The following CLIP1 variants were observed in gnomAD, a reference collection of about 807,000 sequenced individuals.
CLIP1 encodes CAP-Gly domain-containing linker protein 1.
CLIP1 carries 66 observed loss-of-function variants against 161.6 expected under a neutral mutation model. The ratio of observed to expected loss-of-function variants is 0.41; its 90% CI spans 0.33 to 0.50. The LOEUF is 0.50. CLIP1 is among the 20% of genes least tolerant of loss of function. CLIP1 has a pLI of 0.27. For missense variants in CLIP1, 1,376 were observed against 1,702.0 expected (o/e 0.81, Z 3.37); for synonymous variants, 598 against 626.2 (o/e 0.96, Z 0.67).
At position 122,377,741 on chromosome 12, in the gene CLIP1, G is replaced by A. The variant is rs780989679; in HGVS notation, c.305C>T (p.Ser102Leu). ...LDEPIGKNDG[S>L]VAGVRYFQCE... ...CTGGAAATACCGAACTCCTGCCACC[G>A]AACCATCGTTCTTGCCTATGGGTTC... is the stretch of plus-strand genomic sequence containing the variant. The change falls in exon 3 of 26, where the codon TCG becomes TTG. Residue 102 changes from serine to leucine, a missense_variant. Ser to Leu is a moderately radical substitution (Grantham distance 145). Coordinates refer to ENST00000620786, the MANE Select transcript of CLIP1 (RefSeq NM_001247997.2). The A allele has an allele frequency of 1.9e-5, 31 of 1,613,712 alleles. No individual in the cohort carries two copies. The highest frequency in any genetic ancestry group is 4.5e-5 in the East Asian group (2 of 44,852).
At chr12:122,326,416 A>T (rs1951714510) in intron 17 of CLIP1, among the ~76,000 whole-genome samples, 6 of 152,190 alleles carry the variant, frequency 3.9e-5, no homozygotes, top group Admixed American at 3.9e-4. Context: ...ACGATGAATC[A>T]CGCCTGCAAT....
chr12:122,403,090 C>T (rs1956195183), intron 1 of CLIP1, among the ~76,000 whole-genome samples: 1 of 152,096 alleles, frequency 6.6e-6, no homozygotes, highest in African/African-American at 2.4e-5. Context: ...TACCCCAGGC[C>T]CCCCTGGATA....
intron 6 of CLIP1, 137 bp from the exon 7 acceptor site, chr12:122,354,693 T>G: frequency 1.6e-6 from 1 of 635,066 alleles, no homozygotes; most frequent in Non-Finnish European, 2.8e-6. Flanking sequence ...GCTTTCTCTA[T>G]TTTAATAGGT....
intron 8 of CLIP1, 102 bp downstream of exon 8, chr12:122,352,624 C>T (rs1453914178): frequency 3.8e-5 from 41 of 1,077,756 alleles, no homozygotes; most frequent in Admixed American, 2.0e-4. Flanking sequence ...GCCACTTCCT[C>T]AGCTGGCTGT....
chr12:122,346,434 A>T (rs544038955), intron 10 of CLIP1, among the ~76,000 whole-genome samples: 1 of 152,328 alleles, frequency 6.6e-6, no homozygotes, highest in East Asian at 1.9e-4. Context: ...AAGCACAATG[A>T]GCTCAGGGCA....
At chr12:122,348,849 G>A (rs1230991736) in intron 9 of CLIP1, among the ~76,000 whole-genome samples, 1 of 152,212 alleles carries the variant, frequency 6.6e-6, no homozygotes, top group East Asian at 1.9e-4. Flanking sequence ...CAGAGCTTCA[G>A]TAGAGGGGGG....
intron 1 of CLIP1, among the ~76,000 whole-genome samples, chr12:122,420,948 T>G (rs1205961749): frequency 6.6e-6 from 1 of 151,334 alleles, no homozygotes; most frequent in Non-Finnish European, 1.5e-5. Flanking sequence ...GATTGATTGA[T>G]TGATTGATGG....
At chr12:122,300,244 T>C (rs1803155783) in intron 20 of CLIP1, among the ~76,000 whole-genome samples, 1 of 152,020 alleles carries the variant, frequency 6.6e-6, no homozygotes, top group Admixed American at 6.6e-5. Flanking sequence ...TACTCCAGCC[T>C]GGGTGGCAGA....
chr12:122,340,183 TGATTCTCC>T, intron 11 of CLIP1, among the ~76,000 whole-genome samples: 1 of 151,688 alleles, frequency 6.6e-6, no homozygotes. Flanking sequence ...GTTGTTCAAG[TGATTCTCC>T]TGCCTCAGCC....
chr12:122,381,689 C>T (rs1292470104), intron 1 of CLIP1, among the ~76,000 whole-genome samples: 1 of 152,214 alleles, frequency 6.6e-6, no homozygotes, highest in Non-Finnish European at 1.5e-5. Context: ...ACCTCACTTT[C>T]TCATCTTGTC....
chr12:122,400,710 G>C (rs1371703975), intron 1 of CLIP1: 1 of 152,120 alleles, frequency 6.6e-6, no homozygotes, highest in Non-Finnish European at 1.5e-5. Flanking sequence ...GATTTGATTT[G>C]TCTTCGCATC....
intron 3 of CLIP1, among the ~76,000 whole-genome samples, chr12:122,374,448 G>A (rs1434031165): frequency 1.3e-5 from 2 of 150,170 alleles, no homozygotes; most frequent in Non-Finnish European, 3.0e-5. Flanking sequence ...GTGAAACCCC[G>A]TCTCTACTAA....
intron 21 of CLIP1, among the ~76,000 whole-genome samples, chr12:122,281,891 T>G (rs1272605638): frequency 1.3e-5 from 2 of 152,162 alleles, no homozygotes; most frequent in Non-Finnish European, 2.9e-5. Context: ...AAGAAGAGAT[T>G]TAGATTTCCC....
In CLIP1 at chr12:122,394,802, G is replaced by A. The variant is rs186439464; in HGVS notation, c.-106-14244C>T. 2.6e-3 allele frequency among the ~76,000 whole-genome samples: 396 copies of A among 151,860 alleles called. 4 individuals are homozygous for A. The South Asian group carries it at 0.047, about 18-fold the overall frequency. On this transcript the variant is annotated intron_variant, in intron 1 of 25. Transcript: ENST00000620786. ...CAGGAGGCGGAGGTTGCAGTGAGCCGAGATTGCATCACTGCACTCCAGTCT... is the reference window on the plus strand; with the variant it reads ...CAGGAGGCGGAGGTTGCAGTGAGCCAAGATTGCATCACTGCACTCCAGTCT...
intron 19 of CLIP1, among the ~76,000 whole-genome samples, chr12:122,315,642 T>TTTCTTTC (rs1462132417): frequency 3.5e-5 from 5 of 143,896 alleles, no homozygotes; most frequent in African/African-American, 1.5e-4. Context: ...TTTGATTCCT[T>TTTCTTTC]TTCTTTTTTT....
chr12:122,303,337 T>C (rs759847703), intron 20 of CLIP1, among the ~76,000 whole-genome samples: 11 of 152,178 alleles, frequency 7.2e-5, no homozygotes, highest in Non-Finnish European at 1.3e-4. Flanking sequence ...GCAGAATGTG[T>C]ACACTTCATC....
At chr12:122,335,226 A>C (rs555616241) in intron 12 of CLIP1, among the ~76,000 whole-genome samples, 18 of 152,274 alleles carry the variant, frequency 1.2e-4, no homozygotes, top group African/African-American at 3.1e-4. Flanking sequence ...CCAAGCTAAA[A>C]ATCACTCTCC....
intron 1 of CLIP1, among the ~76,000 whole-genome samples, chr12:122,403,703 T>G (rs1956221978): frequency 3.3e-5 from 5 of 151,730 alleles, no homozygotes; most frequent in Admixed American, 3.3e-4. Flanking sequence ...TTATTTTTAG[T>G]AGAGACAGGG....
chr12:122,357,564 G>T (rs1342713431), intron 5 of CLIP1, among the ~76,000 whole-genome samples: 1 of 60,598 alleles, frequency 1.7e-5, no homozygotes, highest in Non-Finnish European at 3.1e-5. Context: ...GGTGGGGGGG[G>T]TCAGCCCCCC....
Sources: gnomAD v4.1 joint callset for allele counts (sites outside exome capture counted in the v4.1 genomes callset) on GRCh38, gnomAD v4.1.1 for gene constraint, MANE v1.5 for transcripts, NCBI Gene and HGNC (gene_info 2026-07-23, HGNC 2026-07-21) for gene names.